NT5C2: variants seen among roughly 807,000 people sequenced by gnomAD.
NT5C2 encodes the protein cytosolic purine 5'-nucleotidase.
A neutral mutation model predicts 76.1 loss-of-function variants in NT5C2; 58 were observed. That is an observed-to-expected ratio of 0.76 (90% CI 0.62 to 0.95). The LOEUF (loss-of-function observed/expected upper bound fraction) is 0.95. NT5C2 is among the 40% of genes least tolerant of loss of function. The pLI is 0.00. For missense variants in NT5C2, 478 were observed against 690.3 expected (o/e 0.69, Z 3.45); for synonymous variants, 229 against 237.4 (o/e 0.96, Z 0.32).
intron 1 of NT5C2, among the ~76,000 whole-genome samples, chr10:103,181,835 T>C (rs1431293868): frequency 1.3e-5 from 2 of 151,628 alleles, no homozygotes; most frequent in Non-Finnish European, 2.9e-5. Flanking sequence ...TGAAACCCTG[T>C]CTCTACTAAA....
chr10:103,165,934 T>G (rs2086260011), intron 3 of NT5C2, among the ~76,000 whole-genome samples: 1 of 151,768 alleles, frequency 6.6e-6, no homozygotes, highest in Non-Finnish European at 1.5e-5. Context: ...CCTCCCAAAG[T>G]GCTGGGATTA....
At chr10:103,102,057 TA>T (rs555159909) in intron 6 of NT5C2, among the ~76,000 whole-genome samples, 3 of 152,144 alleles carry the variant, frequency 2.0e-5, no homozygotes, top group Non-Finnish European at 4.4e-5. Context: ...GGCTGAGTTG[TA>T]AAACAAAATT....
At chr10:103,090,814 T>C in intron 17 of NT5C2, 27 bp from the exon 18 acceptor site, 1 of 1,611,758 alleles carries the variant, frequency 6.2e-7, no homozygotes, top group Non-Finnish European at 8.5e-7. Flanking sequence ...GATTGATTCT[T>C]GGCTCATTCA....
At chr10:103,091,471 A>T (rs2066864444) in intron 16 of NT5C2, 93 bp downstream of exon 16, 1 of 1,004,454 alleles carries the variant, frequency 1.0e-6, no homozygotes, top group African/African-American at 1.6e-5. Flanking sequence ...TCAGCCTCCC[A>T]AATAGCTGGG....
chr10:103,114,965 C>T (rs1204789559), intron 4 of NT5C2, among the ~76,000 whole-genome samples: 1 of 152,196 alleles, frequency 6.6e-6, no homozygotes, highest in Non-Finnish European at 1.5e-5. Context: ...CAACTTAATT[C>T]CATTATCATT....
At chr10:103,138,000 C>T (rs2079613365) in intron 4 of NT5C2, among the ~76,000 whole-genome samples, 1 of 152,146 alleles carries the variant, frequency 6.6e-6, no homozygotes, top group South Asian at 2.1e-4. Flanking sequence ...GAAACTTAAA[C>T]ACAAAGTTTA....
At chr10:103,158,909 C>A (rs578136235) in intron 3 of NT5C2, among the ~76,000 whole-genome samples, 1 of 151,638 alleles carries the variant, frequency 6.6e-6, no homozygotes, top group South Asian at 2.1e-4. Context: ...TAACTATATG[C>A]CAACATATTA....
chr10:103,126,649 T>C (rs923990202), intron 4 of NT5C2, among the ~76,000 whole-genome samples: 18 of 152,068 alleles, frequency 1.2e-4, no homozygotes, highest in South Asian at 6.3e-4. Flanking sequence ...CAAAAAAACA[T>C]AGTCCACTCT....
rs754222358 is a variant in NT5C2 at position 103,089,696 on chromosome 10, T to TTCA, written c.1659_1661dup (p.Asp553dup). On this transcript the variant is annotated inframe_insertion, in exon 19 of 19. Transcript: ENST00000404739. The stretch of plus-strand genomic sequence containing the variant: ...CTTATTCTTCCTCCTCCTCCTCCTC[T>TTCA]TCATCATCATCTTCGTCATGGCAGT... 6.2e-7 allele frequency: 1 copy of TTCA among 1,609,742 alleles called. No individual in the cohort carries two copies. Among genetic ancestry groups the TTCA allele is most frequent in the Non-Finnish European group, 8.5e-7 (1 of 1,177,820 alleles).
chr10:103,175,096 T>C, intron 2 of NT5C2, 114 bp from the exon 3 acceptor site: 2 of 600,536 alleles, frequency 3.3e-6, no homozygotes, highest in Admixed American at 2.8e-5. Context: ...TATAATTACC[T>C]ATTAAAACAC....
At chr10:103,152,446 A>G (rs1389457169) in intron 3 of NT5C2, among the ~76,000 whole-genome samples, 1 of 152,216 alleles carries the variant, frequency 6.6e-6, no homozygotes, top group South Asian at 2.1e-4. Context: ...GTTCATAATC[A>G]ATACATGATT....
intron 1 of NT5C2, 59 bp from the exon 2 acceptor site, chr10:103,181,387 C>G (rs994151366): frequency 6.6e-6 from 1 of 151,766 alleles, no homozygotes; most frequent in Non-Finnish European, 1.5e-5. Context: ...GTCCCCTTCA[C>G]CACTACCATC....
intron 4 of NT5C2, among the ~76,000 whole-genome samples, chr10:103,125,570 G>A (rs2076509145): frequency 6.6e-6 from 1 of 152,138 alleles, no homozygotes; most frequent in South Asian, 2.1e-4. Context: ...TAACCACGAG[G>A]AGATAATGTT....
intron 3 of NT5C2, among the ~76,000 whole-genome samples, chr10:103,147,757 A>C (rs552661134): frequency 2.0e-5 from 3 of 152,214 alleles, no homozygotes; most frequent in Admixed American, 2.0e-4. Context: ...ATTTAACTGA[A>C]CTAAAAATTA....
intron 4 of NT5C2, among the ~76,000 whole-genome samples, chr10:103,107,201 A>G (rs7896547): frequency 0.41 from 62,446 of 152,018 alleles, 13,033 homozygotes; most frequent in East Asian, 0.56. Context: ...GGCTTGGGTA[A>G]TTGCTTTATA....
chr10:103,117,899 G>A (rs1168575016), intron 4 of NT5C2, among the ~76,000 whole-genome samples: 1 of 151,660 alleles, frequency 6.6e-6, no homozygotes, highest in East Asian at 1.9e-4. Context: ...AACGAGCTGG[G>A]TTTAAAAAAA....
At chr10:103,102,731 C>T (rs968793854) in intron 6 of NT5C2, among the ~76,000 whole-genome samples, 10 of 151,546 alleles carry the variant, frequency 6.6e-5, no homozygotes, top group South Asian at 2.1e-4. Flanking sequence ...GTGGTTGGTA[C>T]GATGAACAGA....
intron 3 of NT5C2, among the ~76,000 whole-genome samples, chr10:103,153,023 T>C (rs573120083): frequency 6.6e-6 from 1 of 152,182 alleles, no homozygotes; most frequent in Non-Finnish European, 1.5e-5. Flanking sequence ...AAAAACAAAA[T>C]GAATTTACCA....
chr10:103,153,705 G>A (rs181461921), intron 3 of NT5C2: 18 of 985,358 alleles, frequency 1.8e-5, no homozygotes, highest in Non-Finnish European at 1.9e-5. Context: ...GAGTTTCACA[G>A]AATCAAGCAG....
Sources: allele counts gnomAD v4.1 joint callset (sites outside exome capture counted in the v4.1 genomes callset), GRCh38; gene constraint gnomAD v4.1.1; transcripts MANE v1.5; gene names NCBI Gene and HGNC (gene_info 2026-07-23, HGNC 2026-07-21).